EFHC2: variants seen among roughly 807,000 people sequenced by gnomAD.
The protein encoded by EFHC2 is EF-hand domain containing 2, also known as EF-hand domain-containing family member C2.
In EFHC2, 18 loss-of-function variants were observed where a neutral mutation model predicts 52.7. The observed-to-expected ratio is 0.34, with a 90% CI of 0.24 to 0.51. The LOEUF (loss-of-function observed/expected upper bound fraction) is 0.51, where lower values mean the gene tolerates loss of function less well. Ranked by LOEUF, EFHC2 falls within the 20% of genes least tolerant of loss-of-function variation. The pLI, the probability that EFHC2 is intolerant of heterozygous loss-of-function variation, is 0.97. For synonymous variants in EFHC2, 203 were observed against 204.1 expected (o/e 0.99, Z 0.04); for missense variants, 513 against 562.5 (o/e 0.91, Z 0.89).
intron 7 of EFHC2, among the ~76,000 whole-genome samples, chrX:44,247,150 G>A (rs1602174646): frequency 8.9e-6 from 1 of 111,952 alleles, no homozygotes; most frequent in South Asian, 3.7e-4. Context: ...GCCCCAGTAG[G>A]GCCCATACAT....
chrX:44,185,752 G>GATCCTAT (rs2036869444), intron 11 of EFHC2, among the ~76,000 whole-genome samples: 2 of 110,811 alleles, frequency 1.8e-5, no homozygotes, highest in Admixed American at 9.7e-5. Context: ...TGCCCAGGTT[G>GATCCTAT]GTCTCCTAGG....
At chrX:44,235,732 A>T (rs2037315190) in intron 8 of EFHC2, among the ~76,000 whole-genome samples, 1 of 112,665 alleles carries the variant, frequency 8.9e-6, no homozygotes, top group Non-Finnish European at 1.9e-5. Flanking sequence ...AGCTGCACTA[A>T]CAGGCTGTTC....
At chrX:44,211,568 T>TAAA (rs2037096056) in intron 11 of EFHC2, among the ~76,000 whole-genome samples, 1 of 98,504 alleles carries the variant, frequency 1.0e-5, no homozygotes, top group South Asian at 4.6e-4. Context: ...AAAGAAAAAA[T>TAAA]AAAAAAAGAT....
intron 13 of EFHC2, among the ~76,000 whole-genome samples, chrX:44,171,237 C>G (rs771042087): frequency 1.8e-5 from 2 of 111,366 alleles, no homozygotes; most frequent in East Asian, 2.8e-4. Flanking sequence ...CATACTCCCC[C>G]TCCCCAAAAT....
intron 11 of EFHC2, among the ~76,000 whole-genome samples, chrX:44,185,889 A>G (rs959442815): frequency 8.1e-5 from 9 of 111,774 alleles, no homozygotes; most frequent in African/African-American, 2.6e-4. Flanking sequence ...TAACAGCCAA[A>G]TTCATCTGCC....
At chrX:44,176,781 T>G (rs973090609) in intron 12 of EFHC2, among the ~76,000 whole-genome samples, 1 of 112,340 alleles carries the variant, frequency 8.9e-6, no homozygotes, top group Non-Finnish European at 1.9e-5. Flanking sequence ...AAGTATGATA[T>G]GACTTGAGGG....
chrX:44,305,948 A>C (rs2037902789), intron 2 of EFHC2, among the ~76,000 whole-genome samples: 1 of 111,787 alleles, frequency 8.9e-6, no homozygotes, highest in African/African-American at 3.3e-5. Flanking sequence ...ATACAACCCG[A>C]GCATGCCCAG....
At chrX:44,219,864 A>G (rs897769272) in intron 11 of EFHC2, among the ~76,000 whole-genome samples, 65 of 111,403 alleles carry the variant, frequency 5.8e-4, no homozygotes, top group African/African-American at 2.0e-3. Flanking sequence ...TATGATTCCA[A>G]GCCTCTTGAC....
intron 2 of EFHC2, chrX:44,310,322 A>T: frequency 1.1e-6 from 1 of 898,503 alleles, no homozygotes; most frequent in Non-Finnish European, 1.6e-6. Flanking sequence ...GGGCTCCTGG[A>T]AGATCCTCCA....
At chrX:44,335,225 G>A (rs1360487074) in intron 1 of EFHC2, among the ~76,000 whole-genome samples, 2 of 109,560 alleles carry the variant, frequency 1.8e-5, no homozygotes, top group African/African-American at 6.7e-5. Context: ...AAGAAGAGAA[G>A]GAGGAAGAGA....
chrX:44,297,508 G>A (rs747217141), intron 2 of EFHC2, among the ~76,000 whole-genome samples: 1 of 109,748 alleles, frequency 9.1e-6, no homozygotes, highest in Non-Finnish European at 1.9e-5. Context: ...GGCAGATCAC[G>A]AAGTCAGGAG....
At chrX:44,207,343 C>T (rs1211157158) in intron 11 of EFHC2, among the ~76,000 whole-genome samples, 2 of 111,207 alleles carry the variant, frequency 1.8e-5, no homozygotes, top group Admixed American at 1.9e-4. Context: ...GAAACTCCGT[C>T]TCCACAAAAA....
At chrX:44,202,279 G>C (rs768674841) in intron 11 of EFHC2, among the ~76,000 whole-genome samples, 5 of 111,508 alleles carry the variant, frequency 4.5e-5, no homozygotes, top group Non-Finnish European at 7.5e-5. Context: ...CGGGCGTGGT[G>C]GTGGGCACCT....
intron 1 of EFHC2, among the ~76,000 whole-genome samples, chrX:44,339,641 C>A (rs920325150): frequency 1.8e-5 from 2 of 110,639 alleles, no homozygotes; most frequent in African/African-American, 6.6e-5. Flanking sequence ...CTTTTCAATT[C>A]TATGGAAAAG....
At chrX:44,260,844 CCTGAAAGAGA>C (rs1190047799) in intron 4 of EFHC2, among the ~76,000 whole-genome samples, 1 of 112,002 alleles carries the variant, frequency 8.9e-6, no homozygotes, top group Non-Finnish European at 1.9e-5. Flanking sequence ...ACTCCTACTG[CCTGAAAGAGA>C]GAGTCTCTAC....
At chrX:44,181,116 T>C (rs753759322) in intron 11 of EFHC2, among the ~76,000 whole-genome samples, 1 of 110,839 alleles carries the variant, frequency 9.0e-6, no homozygotes, top group African/African-American at 3.3e-5. Context: ...AAGTATGGTA[T>C]TGATTGATAT....
intron 11 of EFHC2, among the ~76,000 whole-genome samples, chrX:44,224,985 T>C: frequency 9.0e-6 from 1 of 111,229 alleles, no homozygotes; most frequent in Non-Finnish European, 1.9e-5. Flanking sequence ...CCTGCCTATG[T>C]TCCCAACTGC....
chrX:44,307,562 AG>A (rs2037914802), intron 2 of EFHC2, among the ~76,000 whole-genome samples: 1 of 112,132 alleles, frequency 8.9e-6, no homozygotes, highest in Admixed American at 9.5e-5. Flanking sequence ...TGGGGCCAAA[AG>A]ATCAACATTT....
chrX:44,226,719 G>T (rs1162985772), intron 11 of EFHC2, among the ~76,000 whole-genome samples: 1 of 108,907 alleles, frequency 9.2e-6, no homozygotes, highest in African/African-American at 3.4e-5. Flanking sequence ...ACAGGGAGGG[G>T]AACATCATAC....
Sources: allele counts gnomAD v4.1 joint callset (sites outside exome capture counted in the v4.1 genomes callset), GRCh38; gene constraint gnomAD v4.1.1; transcripts MANE v1.5; gene names NCBI Gene and HGNC (gene_info 2026-07-23, HGNC 2026-07-21).